The following PREX1 variants were observed in gnomAD, a reference collection of about 807,000 sequenced individuals.
The protein encoded by PREX1 is phosphatidylinositol 3,4,5-trisphosphate-dependent Rac exchanger 1 protein.
Under a neutral mutation model 198.3 loss-of-function variants are expected in PREX1, and 41 were observed. The observed-to-expected ratio is 0.21, with a 90% confidence interval of 0.16 to 0.27. The LOEUF is 0.27. Ranked by LOEUF, PREX1 falls within the 10% of genes least tolerant of loss-of-function variation. The pLI is 1.00. For synonymous variants in PREX1, 843 were observed against 887.2 expected (o/e 0.95, Z 0.89); for missense variants, 1,620 against 2,200.7 (o/e 0.74, Z 5.28).
chr20:48,719,800 C>T (rs907264688), intron 5 of PREX1, among the ~76,000 whole-genome samples: 2 of 152,154 alleles, frequency 1.3e-5, no homozygotes, highest in African/African-American at 4.8e-5. Context: ...TCCCTGACTC[C>T]ATCCTGACCA....
intron 13 of PREX1, among the ~76,000 whole-genome samples, chr20:48,678,778 T>C (rs1167400528): frequency 1.3e-5 from 2 of 152,242 alleles, no homozygotes. Flanking sequence ...TCCCCAGCCA[T>C]GTGGGACTGT....
At chr20:48,757,882 T>C (rs1313380781) in intron 1 of PREX1, among the ~76,000 whole-genome samples, 1 of 152,218 alleles carries the variant, frequency 6.6e-6, no homozygotes, top group East Asian at 1.9e-4. Flanking sequence ...AACTGCATTG[T>C]CAAAAAGAAT....
At chr20:48,713,057 G>C (rs1205008810) in intron 5 of PREX1, among the ~76,000 whole-genome samples, 3 of 152,164 alleles carry the variant, frequency 2.0e-5, no homozygotes, top group Admixed American at 2.0e-4. Context: ...CTGGGAGGCG[G>C]AGGTTGCAGT....
intron 27 of PREX1, among the ~76,000 whole-genome samples, chr20:48,643,805 C>G (rs1055373462): frequency 3.3e-5 from 5 of 152,162 alleles, no homozygotes; most frequent in Admixed American, 6.5e-5. Flanking sequence ...TCCCAAATAG[C>G]TGGGATTACA....
At chr20:48,717,329 G>A (rs770396032) in intron 5 of PREX1, among the ~76,000 whole-genome samples, 1 of 152,056 alleles carries the variant, frequency 6.6e-6, no homozygotes, top group African/African-American at 2.4e-5. Context: ...GGCTGATCCT[G>A]CACTCAGTGA....
At chr20:48,852,765 G>A in the PREX1 span, among the ~76,000 whole-genome samples, 10 of 152,292 alleles carry the variant, frequency 6.6e-5, no homozygotes, top group African/African-American at 1.9e-4. Flanking sequence ...TAACCTAATT[G>A]TCCATCAATA....
chr20:48,822,635 A>G (rs550345085), intron 1 of PREX1, among the ~76,000 whole-genome samples: 1 of 152,334 alleles, frequency 6.6e-6, no homozygotes, highest in East Asian at 1.9e-4. Flanking sequence ...ATATATTCGC[A>G]TACATATGCA....
intron 33 of PREX1, among the ~76,000 whole-genome samples, chr20:48,632,961 C>T (rs979555789): frequency 6.6e-6 from 1 of 152,236 alleles, no homozygotes; most frequent in Admixed American, 6.5e-5. Context: ...AGGGGGTCCA[C>T]AGCATTTGGG....
Position 48,649,293 on chromosome 20 carries a change from C to G in PREX1, c.3305+7G>C, listed in dbSNP as rs536041973. The G allele has an allele frequency of 6.2e-7, 1 of 1,610,302 alleles. No homozygotes were observed. The highest frequency in any genetic ancestry group is 1.1e-5 in the South Asian group (1 of 90,864). On this transcript the variant is annotated splice_region_variant and intron_variant, in intron 25 of 39. Coordinates refer to ENST00000371941, the MANE Select transcript of PREX1 (RefSeq NM_020820.4). Reference sequence around the variant, plus strand: ...GCTCACGCCGGACACCCCCGGCCAGCGCTCACCTGTTGATCTGGGTGACAT... The same window carrying G: ...GCTCACGCCGGACACCCCCGGCCAGGGCTCACCTGTTGATCTGGGTGACAT...
At chr20:48,796,682 T>C (rs1235290013) in intron 1 of PREX1, among the ~76,000 whole-genome samples, 1 of 150,908 alleles carries the variant, frequency 6.6e-6, no homozygotes, top group Non-Finnish European at 1.5e-5. Context: ...TCGTACATCA[T>C]ATATGGTATA....
chr20:48,818,185 T>C (rs1025597676), intron 1 of PREX1, among the ~76,000 whole-genome samples: 3 of 152,084 alleles, frequency 2.0e-5, no homozygotes, highest in African/African-American at 7.2e-5. Context: ...AAAAGGCAAA[T>C]GCGCTTGGAG....
rs533591271 is a variant in PREX1, at chr20:48,761,389, AG to A, written c.220-13510del. Among the ~76,000 whole-genome samples, 588 of 152,340 alleles carry A rather than the reference AG, an allele frequency of 3.9e-3. 6 individuals are homozygous for A. The highest frequency in any genetic ancestry group is 5.4e-3 in the Non-Finnish European group (370 of 68,036). ...AGGTCACTGTGGTGTCCCAGAGCCT[AG>A]GATTGGACCCAGCACACAGCAGACC... On this transcript the variant is annotated intron_variant, in intron 1 of 39. Coordinates refer to ENST00000371941, the MANE Select transcript of PREX1 (RefSeq NM_020820.4).
chr20:48,656,971 A>AC, intron 18 of PREX1, 69 bp downstream of exon 18: 1 of 1,510,590 alleles, frequency 6.6e-7, no homozygotes, highest in Non-Finnish European at 8.9e-7. Context: ...AGTTCATGCC[A>AC]CCCCAGCCCT....
At chr20:48,743,872 T>A (rs984321413) in intron 3 of PREX1, among the ~76,000 whole-genome samples, 2 of 152,170 alleles carry the variant, frequency 1.3e-5, no homozygotes, top group Admixed American at 1.3e-4. Flanking sequence ...CTTGGGGTAG[T>A]CTGCACGCCT....
the PREX1 span, among the ~76,000 whole-genome samples, chr20:48,882,158 T>C: frequency 6.6e-6 from 1 of 152,152 alleles, no homozygotes; most frequent in Non-Finnish European, 1.5e-5. Flanking sequence ...CATCAATTGA[T>C]GGACATTTGC....
chr20:48,727,264 T>A (rs1050239801), intron 4 of PREX1, among the ~76,000 whole-genome samples: 1 of 152,094 alleles, frequency 6.6e-6, no homozygotes, highest in East Asian at 1.9e-4. Context: ...ACCTCTATTT[T>A]GGCTTGCAGA....
chr20:48,805,390 C>A (rs2090407245), intron 1 of PREX1, among the ~76,000 whole-genome samples: 1 of 152,258 alleles, frequency 6.6e-6, no homozygotes, highest in African/African-American at 2.4e-5. Flanking sequence ...CCGGCCAAGG[C>A]CAGGCTGCAG....
In PREX1 at chr20:48,786,267, T is replaced by C. The variant is rs570382431; in HGVS notation, c.220-38387A>G. 1.1e-4 allele frequency among the ~76,000 whole-genome samples: 16 copies of C among 152,152 alleles called. 1 individual carries two copies. Among genetic ancestry groups the C allele is most frequent in the Admixed American group, 9.8e-4 (15 of 15,296 alleles). ...GGAGGACAAATAAGCAACAAATCTA[T>C]TTGCCTCCTTTCAGGGCATGTAGGT... On this transcript the variant is annotated intron_variant, in intron 1 of 39. Transcript: ENST00000371941.
intron 1 of PREX1, among the ~76,000 whole-genome samples, chr20:48,804,547 A>G (rs936921674): frequency 6.6e-6 from 1 of 152,250 alleles, no homozygotes; most frequent in Non-Finnish European, 1.5e-5. Context: ...AGAAGACCAC[A>G]GACTACAGGG....
Sources: gnomAD v4.1 joint callset for allele counts (sites outside exome capture counted in the v4.1 genomes callset) on GRCh38, gnomAD v4.1.1 for gene constraint, MANE v1.5 for transcripts, NCBI Gene and HGNC (gene_info 2026-07-23, HGNC 2026-07-21) for gene names.